The following ADSS1 variants were observed in gnomAD, a reference collection of about 807,000 sequenced individuals.
ADSS1 encodes the protein adenylosuccinate synthase 1, also known as adenylosuccinate synthetase isozyme 1.
In ADSS1, 57 loss-of-function variants were observed where a neutral mutation model predicts 59.1. That is an observed-to-expected ratio of 0.97 (90% CI 0.78 to 1.20). The LOEUF (loss-of-function observed/expected upper bound fraction) is 1.20, where lower values mean the gene tolerates loss of function less well. Ranked by LOEUF, ADSS1 falls within the 50% of genes most tolerant of loss-of-function variation. The pLI is 0.00. For synonymous variants in ADSS1, 247 were observed against 249.4 expected (o/e 0.99, Z 0.09); for missense variants, 603 against 610.3 (o/e 0.99, Z 0.13).
intron 8 of ADSS1, 23 bp downstream of exon 8, chr14:104,741,266 G>A (rs759174199): frequency 1.2e-5 from 19 of 1,534,222 alleles, no homozygotes; most frequent in Non-Finnish European, 1.5e-5. Flanking sequence ...GGGTGTGCGT[G>A]CCAACGACCT....
intron 1 of ADSS1, among the ~76,000 whole-genome samples, chr14:104,728,050 G>A (rs547434912): frequency 6.6e-6 from 1 of 152,360 alleles, no homozygotes; most frequent in Admixed American, 6.5e-5. Context: ...ATGTATGCAG[G>A]GGTGTGAGAT....
intron 1 of ADSS1, among the ~76,000 whole-genome samples, 170 bp downstream of exon 1, chr14:104,724,632 C>G (rs1890668205): frequency 6.6e-6 from 1 of 151,998 alleles, no homozygotes; most frequent in Non-Finnish European, 1.5e-5. Context: ...ACACGCACCA[C>G]TCACACAACC....
At chr14:104,726,502 C>T (rs111884414) in intron 1 of ADSS1, among the ~76,000 whole-genome samples, 2 of 152,214 alleles carry the variant, frequency 1.3e-5, no homozygotes, top group African/African-American at 2.4e-5. Flanking sequence ...CTCCTCCTAG[C>T]GGTGGGGGTT....
intron 12 of ADSS1, 104 bp from the exon 13 acceptor site, chr14:104,746,847 C>T: frequency 8.4e-7 from 1 of 1,195,532 alleles, no homozygotes; most frequent in South Asian, 1.3e-5. Flanking sequence ...GAAAATAGCC[C>T]CTTTTACCAT....
rs966706765 is a variant in ADSS1, at chr14:104,740,135, A to G, written c.476+319A>G. On this transcript the variant is annotated intron_variant, in intron 5 of 12. Coordinates refer to ENST00000330877, the MANE Select transcript of ADSS1 (RefSeq NM_152328.5). The surrounding 1 kb of genome is among the most constrained non-coding windows in gnomAD (Gnocchi z 4.8). ...ACACGGCCCCAGGGAAGACACGAGG[A>G]ACACTAAAGCAGTTTAGTAGAACCT... 6.6e-6 allele frequency among the ~76,000 whole-genome samples: 1 copy of G among 152,122 alleles called. No homozygotes were observed. Among genetic ancestry groups the G allele is most frequent in the Non-Finnish European group, 1.5e-5 (1 of 68,028 alleles).
intron 2 of ADSS1, among the ~76,000 whole-genome samples, chr14:104,736,145 G>A (rs1338547193): frequency 2.6e-5 from 4 of 152,240 alleles, no homozygotes; most frequent in African/African-American, 9.6e-5. Flanking sequence ...ACCATCCCCT[G>A]GGGTGCAGAC....
rs555319574 is a variant in ADSS1 at position 104,724,279 on chromosome 14, G to A, written c.9G>A (p.Gly3=). 2 of 1,230,082 alleles carry A rather than the reference G, an allele frequency of 1.6e-6. No individual in the cohort carries two copies. Among genetic ancestry groups the A allele is most frequent in the South Asian group, 4.1e-5 (1 of 24,462 alleles). The allele number at this position is 1,230,082 out of a possible 1,614,324, so 76.2% of individuals were successfully genotyped here. A position where few individuals can be genotyped will look rare whatever the true frequency, so the allele number is the denominator to read the frequency against. MS[G]TRASNDRPPG... ...GGAAGAGCCAAGCCAGCATGTCGGG[G>A]ACCCGAGCCTCCAACGACCGGCCCC... The change falls in exon 1 of 13, where the codon GGG becomes GGA. Residue 3 remains glycine (G), a synonymous_variant. Transcript: ENST00000330877.
chr14:104,747,152 A>G lies in ADSS1; in HGVS notation c.*149A>G. On this transcript the variant is annotated 3_prime_UTR_variant, in exon 13 of 13. Coordinates refer to ENST00000330877, the MANE Select transcript of ADSS1 (RefSeq NM_152328.5). The stretch of plus-strand genomic sequence containing the variant: ...ATTTCTGTTCAACCTGTTGGTTTCT[A>G]CAATGATTTTAAACATTGGAAAGCC... 1.5e-6 allele frequency: 1 copy of G among 673,222 alleles called. No homozygotes were observed. The highest frequency in any genetic ancestry group is 2.3e-6 in the Non-Finnish European group (1 of 425,694). The allele number at this position is 673,222 out of a possible 1,614,324, so 41.7% of individuals were successfully genotyped here. A position where few individuals can be genotyped will look rare whatever the true frequency, so the allele number is the denominator to read the frequency against.
At chr14:104,730,687 G>T (rs1890892660) in intron 1 of ADSS1, among the ~76,000 whole-genome samples, 1 of 152,064 alleles carries the variant, frequency 6.6e-6, no homozygotes, top group Non-Finnish European at 1.5e-5. Context: ...TGCTGCGGGT[G>T]TGAGGGTGCG....
Position 104,740,464 on chromosome 14 carries a change from C to A in ADSS1, c.477-137C>A. The A allele has an allele frequency of 2.7e-6, 2 of 748,934 alleles. No homozygotes were observed. The highest frequency in any genetic ancestry group is 4.5e-6 in the Non-Finnish European group (2 of 442,394). 46.4% of individuals were successfully genotyped at this position (748,934 alleles called of 1,614,324 possible). A position where few individuals can be genotyped will look rare whatever the true frequency, so the allele number is the denominator to read the frequency against. On this transcript the variant is annotated intron_variant, in intron 5 of 12. Transcript: ENST00000330877. This position sits in a 1 kb window ranked among gnomAD's most constrained non-coding sequence, Gnocchi z 4.8. ...TAGTGCGTACACCCACACACGCACA[C>A]ACTCACAGCTCAGCCAGACACAGGC...
chr14:104,741,755 G>T, intron 8 of ADSS1, 93 bp from the exon 9 acceptor site: 2 of 1,529,740 alleles, frequency 1.3e-6, no homozygotes, highest in Middle Eastern at 1.8e-4. Flanking sequence ...GGTTTGAACT[G>T]CCCACTGCCC....
intron 4 of ADSS1, 179 bp downstream of exon 4, chr14:104,739,557 G>A (rs1163945848): frequency 5.5e-6 from 5 of 906,236 alleles, no homozygotes; most frequent in African/African-American, 1.7e-5. Flanking sequence ...CTGGGTCAGG[G>A]GTCACTAGCC....
rs565974785 is a variant in ADSS1, at chr14:104,730,023, T to G, written c.193-4997T>G. 1.1e-5 allele frequency: 18 copies of G among 1,591,000 alleles called. No individual in the cohort carries two copies. In the East Asian group the frequency reaches 3.7e-4, roughly 33 times the overall value. On this transcript the variant is annotated intron_variant, in intron 1 of 12. Coordinates refer to ENST00000330877, the MANE Select transcript of ADSS1 (RefSeq NM_152328.5). Reference sequence around the variant, plus strand: ...CTCCCCTGGCTGCCTCCAAGGAGTCTCCAGTTACTGAGTGGCCACTCCGTG... The same window carrying G: ...CTCCCCTGGCTGCCTCCAAGGAGTCGCCAGTTACTGAGTGGCCACTCCGTG...
intron 1 of ADSS1, among the ~76,000 whole-genome samples, chr14:104,729,180 C>T (rs1466702342): frequency 6.6e-6 from 1 of 152,106 alleles, no homozygotes; most frequent in Non-Finnish European, 1.5e-5. Flanking sequence ...CAGTAAAGGG[C>T]CTATGGACTG....
At chr14:104,739,221 G>A in intron 3 of ADSS1, 107 bp from the exon 4 acceptor site, 7 of 1,217,672 alleles carry the variant, frequency 5.7e-6, no homozygotes, top group Non-Finnish European at 8.2e-6. Context: ...CTCCCTGCAT[G>A]CCTTACCTGG....
rs1891253873 is a variant in ADSS1 at position 104,739,519 on chromosome 14, C to T, written c.409+141C>T. On this transcript the variant is annotated intron_variant, in intron 4 of 12. Transcript: ENST00000330877. ...CATGGCTCCATTAGCTTGTACATTA[C>T]CCTTTTCAAAGAGCTTCAAGTTGGG... The T allele has an allele frequency of 7.6e-6, 8 of 1,059,414 alleles. No homozygotes were observed. The Admixed American group carries it at 1.4e-4, about 18-fold the overall frequency. 65.6% of individuals were successfully genotyped at this position (1,059,414 alleles called of 1,614,324 possible).
In ADSS1 at chr14:104,741,114, C is replaced by A; in HGVS notation, c.667-3C>A. 6.3e-7 allele frequency: 1 copy of A among 1,596,838 alleles called. No individual in the cohort carries two copies. The highest frequency in any genetic ancestry group is 8.5e-7 in the Non-Finnish European group (1 of 1,169,618). ...CACTCTGCTGCTTGGCCCTTCCTTG[C>A]AGGGCTTTGCTGAGCGGATCAGACC... On this transcript the variant is annotated splice_region_variant and splice_polypyrimidine_tract_variant and intron_variant, in intron 7 of 12. Transcript: ENST00000330877.
At chr14:104,746,150 A>T in intron 11 of ADSS1, 86 bp from the exon 12 acceptor site, 1 of 1,511,226 alleles carries the variant, frequency 6.6e-7, no homozygotes, top group Non-Finnish European at 8.9e-7. Context: ...GAGGCCCTGG[A>T]TGGGGGTGGC....
chr14:104,724,265 G>C lies in ADSS1; in HGVS notation c.-6G>C. On this transcript the variant is annotated 5_prime_UTR_variant, in exon 1 of 13. Coordinates refer to ENST00000330877, the MANE Select transcript of ADSS1 (RefSeq NM_152328.5). ...CGGGCCAGCGCAGCGGAAGAGCCAA[G>C]CCAGCATGTCGGGGACCCGAGCCTC... 9 of 1,227,802 alleles carry C rather than the reference G, an allele frequency of 7.3e-6. No individual in the cohort carries two copies. The highest frequency in any genetic ancestry group is 9.1e-6 in the Non-Finnish European group (9 of 984,218). The allele number at this position is 1,227,802 out of a possible 1,614,324, so 76.1% of individuals were successfully genotyped here. A position where few individuals can be genotyped will look rare whatever the true frequency, so the allele number is the denominator to read the frequency against.
Sources: allele counts gnomAD v4.1 joint callset (sites outside exome capture counted in the v4.1 genomes callset), GRCh38; gene constraint gnomAD v4.1.1; non-coding constraint Gnocchi (gnomAD v3.1); transcripts MANE v1.5; gene names NCBI Gene and HGNC (gene_info 2026-07-23, HGNC 2026-07-21).